The following MAGI1 variants were observed in gnomAD, a reference collection of about 807,000 sequenced individuals.
MAGI1 encodes membrane-associated guanylate kinase, WW and PDZ domain-containing protein 1.
Under a neutral mutation model 139.9 loss-of-function variants are expected in MAGI1, and 58 were observed. That is an observed-to-expected ratio of 0.41 (90% CI 0.34 to 0.52). The LOEUF is 0.52. Ranked by LOEUF, MAGI1 falls within the 20% of genes least tolerant of loss-of-function variation. MAGI1 has a pLI of 0.12. For missense variants in MAGI1, 1,874 were observed against 1,901.6 expected (o/e 0.99, Z 0.27); for synonymous variants, 812 against 737.9 (o/e 1.10, Z -1.63).
chr3:65,906,124 G>A (rs897703829), intron 1 of MAGI1, among the ~76,000 whole-genome samples: 2 of 152,118 alleles, frequency 1.3e-5, no homozygotes, highest in Non-Finnish European at 1.5e-5. Flanking sequence ...AAAATATACT[G>A]TTACTATGAA....
In MAGI1 at chr3:65,453,295, G is replaced by C; in HGVS notation, c.1005C>G (p.Asn335Lys). Reference sequence around the variant, plus strand: ...ACTCTTCCAGTGGCTTCTGCTGCTTGTTTAGGCACCGAGGGTCTAACCAAG... The same window carrying C: ...ACTCTTCCAGTGGCTTCTGCTGCTTCTTTAGGCACCGAGGGTCTAACCAAG... ...TTSWLDPRCL[N>K]KQQKPLEECE... Residue 335 changes from asparagine to lysine, a missense_variant, in exon 6 of 23, where the codon AAC becomes AAG. Asn to Lys is a moderately conservative substitution (Grantham distance 94, BLOSUM62 0). Around this residue, in one of 5 missense-constraint regions of MAGI1, gnomAD observed 648 missense variants for 598.1 expected, o/e 1.08. Transcript: ENST00000402939. The C allele has an allele frequency of 6.2e-7, 1 of 1,608,092 alleles. No homozygotes were observed. Among genetic ancestry groups the C allele is most frequent in the Non-Finnish European group, 8.5e-7 (1 of 1,177,460 alleles).
intron 1 of MAGI1, among the ~76,000 whole-genome samples, chr3:65,728,746 G>A (rs1182366697): frequency 6.6e-6 from 1 of 152,042 alleles, no homozygotes; most frequent in Non-Finnish European, 1.5e-5. Context: ...ATTTTGTCTA[G>A]GACACCACTA....
chr3:65,861,871 T>G (rs2059567361), intron 1 of MAGI1, among the ~76,000 whole-genome samples: 1 of 152,206 alleles, frequency 6.6e-6, no homozygotes, highest in Non-Finnish European at 1.5e-5. Context: ...AAGCAACTTG[T>G]TGAGATATTA....
At chr3:65,394,807 T>C (rs574302964) in intron 13 of MAGI1, among the ~76,000 whole-genome samples, 231 of 152,288 alleles carry the variant, frequency 1.5e-3, no homozygotes, top group African/African-American at 5.3e-3. Context: ...TCAACTTGTG[T>C]GCATTTTCAG....
intron 1 of MAGI1, among the ~76,000 whole-genome samples, chr3:65,913,329 T>A (rs1432266585): frequency 6.6e-6 from 1 of 152,178 alleles, no homozygotes; most frequent in Admixed American, 6.5e-5. Context: ...GAGAACCATT[T>A]TTTCATATTT....
At chr3:65,565,954 G>A (rs1353559582) in intron 2 of MAGI1, among the ~76,000 whole-genome samples, 2 of 151,666 alleles carry the variant, frequency 1.3e-5, no homozygotes, top group African/African-American at 4.8e-5. Flanking sequence ...TTTACAGGCA[G>A]AGAAAAACGT....
intron 2 of MAGI1, among the ~76,000 whole-genome samples, chr3:65,502,963 T>C (rs980144583): frequency 6.6e-6 from 1 of 152,062 alleles, no homozygotes; most frequent in African/African-American, 2.4e-5. Flanking sequence ...AAATCCATGA[T>C]ACAGGTAATC....
At chr3:65,916,902 T>C (rs1315843449) in intron 1 of MAGI1, among the ~76,000 whole-genome samples, 7 of 152,306 alleles carry the variant, frequency 4.6e-5, no homozygotes, top group Middle Eastern at 6.8e-3. Flanking sequence ...ACTGTTCTCA[T>C]TGTATACTTT....
intron 1 of MAGI1, among the ~76,000 whole-genome samples, chr3:65,781,845 G>T (rs181084719): frequency 1.3e-3 from 191 of 152,280 alleles, no homozygotes; most frequent in African/African-American, 4.5e-3. Flanking sequence ...GAGAGTACAG[G>T]CAGCTTTCCT....
chr3:65,799,740 A>G (rs1281687081), intron 1 of MAGI1, among the ~76,000 whole-genome samples: 2 of 152,188 alleles, frequency 1.3e-5, no homozygotes, highest in Non-Finnish European at 2.9e-5. Context: ...TTTTAAATGA[A>G]TATGCAAACA....
chr3:65,740,030 A>G (rs769468413), intron 1 of MAGI1, among the ~76,000 whole-genome samples: 1 of 152,176 alleles, frequency 6.6e-6, no homozygotes, highest in Non-Finnish European at 1.5e-5. Flanking sequence ...GCAAAGTGCA[A>G]TAGAGGGACA....
intron 1 of MAGI1, among the ~76,000 whole-genome samples, chr3:65,980,456 G>C (rs767213926): frequency 4.0e-5 from 6 of 151,628 alleles, no homozygotes; most frequent in East Asian, 3.9e-4. Context: ...CCAGCTACTC[G>C]AGAGGCTGAG....
At chr3:65,623,529 C>T (rs2083801578) in intron 1 of MAGI1, among the ~76,000 whole-genome samples, 1 of 152,162 alleles carries the variant, frequency 6.6e-6, no homozygotes, top group South Asian at 2.1e-4. Flanking sequence ...CTGAGACTGT[C>T]TTTCCATTTT....
intron 1 of MAGI1, among the ~76,000 whole-genome samples, chr3:65,792,833 T>C (rs879905389): frequency 5.9e-5 from 9 of 152,124 alleles, no homozygotes; most frequent in Non-Finnish European, 8.8e-5. Flanking sequence ...CAGACCACAG[T>C]TGACCGTGTA....
intron 1 of MAGI1, among the ~76,000 whole-genome samples, chr3:65,819,875 C>CAAACAAAAAAAAAAAA (rs2041839832): frequency 3.0e-5 from 1 of 33,454 alleles, no homozygotes; most frequent in Non-Finnish European, 6.4e-5. Flanking sequence ...GACTCCATCT[C>CAAACAAAAAAAAAAAA]AAAAAAAAAA....
intron 2 of MAGI1, among the ~76,000 whole-genome samples, chr3:65,532,160 T>C (rs1265651609): frequency 6.6e-6 from 1 of 152,204 alleles, no homozygotes; most frequent in Non-Finnish European, 1.5e-5. Context: ...TCTTATCTTT[T>C]ACTCCAATGG....
chr3:65,808,678 G>A (rs1303364321), intron 1 of MAGI1, among the ~76,000 whole-genome samples: 3 of 152,230 alleles, frequency 2.0e-5, no homozygotes, highest in South Asian at 4.1e-4. Flanking sequence ...ACTGCATGAT[G>A]AGACCTTCAC....
chr3:65,548,781 C>T (rs1188730917), intron 2 of MAGI1, among the ~76,000 whole-genome samples: 1 of 152,020 alleles, frequency 6.6e-6, no homozygotes, highest in Non-Finnish European at 1.5e-5. Context: ...ACTCGGTCTC[C>T]CAAAGTACTG....
At chr3:65,842,390 C>T (rs935863565) in intron 1 of MAGI1, among the ~76,000 whole-genome samples, 6 of 146,236 alleles carry the variant, frequency 4.1e-5, no homozygotes, top group Non-Finnish European at 6.0e-5. Context: ...CACGGAGTTT[C>T]GCTCTTGTTG....
Sources: allele counts gnomAD v4.1 joint callset (sites outside exome capture counted in the v4.1 genomes callset), GRCh38; gene constraint gnomAD v4.1.1; regional missense constraint gnomAD v4.1.1; transcripts MANE v1.5; gene names NCBI Gene and HGNC (gene_info 2026-07-23, HGNC 2026-07-21).